CSMD1: variants seen among roughly 807,000 people sequenced by gnomAD.
CSMD1 encodes the protein CUB and sushi domain-containing protein 1.
In CSMD1, 213 loss-of-function variants were observed where a neutral mutation model predicts 417.5. The ratio of observed to expected loss-of-function variants is 0.51; its 90% CI spans 0.46 to 0.57. The LOEUF (loss-of-function observed/expected upper bound fraction) is 0.57. CSMD1 is among the 20% of genes least tolerant of loss of function. The pLI, the probability that CSMD1 is intolerant of heterozygous loss-of-function variation, is 0.00. For missense variants in CSMD1, 6,923 were observed against 4,529.7 expected (o/e 1.53, Z -15.17); for synonymous variants, 2,862 against 1,736.8 (o/e 1.65, Z -16.11).
At chr8:3,555,019 A>G (rs76174909) in intron 10 of CSMD1, among the ~76,000 whole-genome samples, 2,661 of 152,168 alleles carry the variant, frequency 0.017, 84 homozygotes, top group African/African-American at 0.061. Flanking sequence ...GAGGAAGGGA[A>G]GAAGACTGTG....
At chr8:4,359,387 C>G (rs1801620943) in intron 3 of CSMD1, among the ~76,000 whole-genome samples, 2 of 152,192 alleles carry the variant, frequency 1.3e-5, no homozygotes, top group Non-Finnish European at 2.9e-5. Flanking sequence ...AGGGTTTAAA[C>G]TCACAATAAC....
rs183596122 is a variant in CSMD1, at chr8:4,742,117, G to C, written c.86-104559C>G. ...GCAATCTCGGCTCACTGCAAGCTCC[G>C]CTTCCCGGGTTCACGCCATTCTCCT... On this transcript the variant is annotated intron_variant, in intron 1 of 69. Coordinates refer to ENST00000635120, the MANE Select transcript of CSMD1 (RefSeq NM_033225.6). Among the ~76,000 whole-genome samples the C allele has an allele frequency of 2.8e-3, 391 of 137,950 alleles. 2 individuals are homozygous for C. The highest frequency in any genetic ancestry group is 0.01 in the African/African-American group (374 of 36,974). 90.5% of individuals were successfully genotyped at this position (137,950 alleles called of 152,430 possible). A position where few individuals can be genotyped will look rare whatever the true frequency, so the allele number is the denominator to read the frequency against.
intron 1 of CSMD1, among the ~76,000 whole-genome samples, chr8:4,888,990 G>T (rs906004447): frequency 2.0e-5 from 3 of 152,102 alleles, no homozygotes; most frequent in African/African-American, 7.2e-5. Context: ...TCAAAGAAAT[G>T]ATGGAAATAG....
chr8:3,536,519 C>T (rs890845224), intron 10 of CSMD1, among the ~76,000 whole-genome samples: 2 of 152,162 alleles, frequency 1.3e-5, no homozygotes, highest in East Asian at 3.9e-4. Context: ...AGGGTATCTT[C>T]GAGGATTGGC....
At chr8:3,994,872 A>G (rs943609825) in intron 5 of CSMD1, among the ~76,000 whole-genome samples, 3 of 152,168 alleles carry the variant, frequency 2.0e-5, no homozygotes, top group African/African-American at 7.2e-5. Context: ...TTCTTCTGAG[A>G]GTGCCCTTGC....
chr8:4,909,346 T>C (rs966558179), intron 1 of CSMD1, among the ~76,000 whole-genome samples: 1 of 152,182 alleles, frequency 6.6e-6, no homozygotes, highest in Admixed American at 6.5e-5. Flanking sequence ...TGCCTTCTAC[T>C]ACTTTTCCAG....
chr8:3,918,212 G>C (rs561505038), intron 5 of CSMD1, among the ~76,000 whole-genome samples: 188 of 152,150 alleles, frequency 1.2e-3, no homozygotes, highest in African/African-American at 4.3e-3. Flanking sequence ...ATAATTACCT[G>C]GAAGTGGGGA....
intron 21 of CSMD1, among the ~76,000 whole-genome samples, chr8:3,356,012 T>C (rs749407991): frequency 7.2e-5 from 11 of 152,004 alleles, no homozygotes; most frequent in Non-Finnish European, 1.3e-4. Flanking sequence ...AATAAAAAAG[T>C]TTCCATCTCT....
chr8:3,763,092 G>A (rs928809068), intron 5 of CSMD1, among the ~76,000 whole-genome samples: 6 of 152,136 alleles, frequency 3.9e-5, no homozygotes, highest in Admixed American at 6.5e-5. Flanking sequence ...TCTCTGGCAC[G>A]TAACAGAGTG....
At chr8:3,861,811 C>T (rs563471406) in intron 5 of CSMD1, among the ~76,000 whole-genome samples, 1 of 152,266 alleles carries the variant, frequency 6.6e-6, no homozygotes, top group Admixed American at 6.5e-5. Context: ...TCTAAGTGTG[C>T]CGATTACAGA....
At chr8:4,444,731 G>A (rs867695520) in intron 2 of CSMD1, among the ~76,000 whole-genome samples, 2 of 152,138 alleles carry the variant, frequency 1.3e-5, no homozygotes, top group Admixed American at 6.5e-5. Context: ...GGAAAATAAT[G>A]AGGTAAAATG....
At chr8:3,955,577 G>A (rs974713436) in intron 5 of CSMD1, among the ~76,000 whole-genome samples, 2 of 152,080 alleles carry the variant, frequency 1.3e-5, no homozygotes, top group Non-Finnish European at 2.9e-5. Flanking sequence ...TTCCATAGGA[G>A]ATTGGTGCTA....
rs917384461 is a variant in CSMD1, at chr8:4,633,732, G to C, written c.302+3610C>G. 4.6e-5 allele frequency among the ~76,000 whole-genome samples: 7 copies of C among 151,696 alleles called. No homozygotes were observed. In the East Asian group the frequency reaches 9.7e-4, roughly 21 times the overall value. On this transcript the variant is annotated intron_variant, in intron 2 of 69. Transcript: ENST00000635120. ...CCACCATGTCCAGCTAATTTTTTTT[G>C]TACTTTTAGTGGAGACGGGGTTTCA...
intron 4 of CSMD1, among the ~76,000 whole-genome samples, chr8:4,018,330 G>C (rs942747938): frequency 6.6e-6 from 1 of 152,192 alleles, no homozygotes; most frequent in Non-Finnish European, 1.5e-5. Flanking sequence ...TGGCTTAAAT[G>C]TGTATTCATT....
At chr8:3,946,366 G>C (rs1217875539) in intron 5 of CSMD1, among the ~76,000 whole-genome samples, 1 of 152,012 alleles carries the variant, frequency 6.6e-6, no homozygotes, top group Admixed American at 6.5e-5. Flanking sequence ...TCACGTATGT[G>C]CTGGCCTGTC....
intron 1 of CSMD1, among the ~76,000 whole-genome samples, chr8:4,839,595 G>A (rs1002154786): frequency 1.6e-4 from 24 of 152,110 alleles, no homozygotes; most frequent in African/African-American, 5.8e-4. Context: ...AAATAACATA[G>A]TTATTTTCTG....
intron 3 of CSMD1, among the ~76,000 whole-genome samples, chr8:4,230,763 G>GTT (rs201745669): frequency 3.3e-5 from 5 of 150,888 alleles, no homozygotes; most frequent in African/African-American, 1.2e-4. Flanking sequence ...AATTCTATCA[G>GTT]TTTTTTTTTG....
intron 12 of CSMD1, among the ~76,000 whole-genome samples, chr8:3,410,185 C>A (rs565143556): frequency 1.1e-3 from 169 of 152,260 alleles, no homozygotes; most frequent in African/African-American, 3.9e-3. Flanking sequence ...TACACCAAAC[C>A]TATATTTCAA....
intron 1 of CSMD1, among the ~76,000 whole-genome samples, chr8:4,871,137 T>C (rs547054559): frequency 6.6e-6 from 1 of 152,254 alleles, no homozygotes; most frequent in Non-Finnish European, 1.5e-5. Flanking sequence ...GCAGCCGTGA[T>C]GAGAATCTAG....
Sources: allele counts gnomAD v4.1 joint callset (sites outside exome capture counted in the v4.1 genomes callset), GRCh38; gene constraint gnomAD v4.1.1; transcripts MANE v1.5; gene names NCBI Gene and HGNC (gene_info 2026-07-23, HGNC 2026-07-21).